Variants in TRIO observed in about 807,000 individuals in gnomAD.
TRIO encodes triple functional domain protein.
TRIO carries 58 observed loss-of-function variants against 351.9 expected under a neutral mutation model. The ratio of observed to expected loss-of-function variants is 0.16; its 90% confidence interval spans 0.13 to 0.21. TRIO has a LOEUF of 0.21. TRIO is among the 10% of genes least tolerant of loss of function. TRIO has a pLI of 1.00. For missense variants in TRIO, 3,201 were observed against 4,027.8 expected, an observed-to-expected ratio of 0.79 and a Z score of 5.56; for synonymous variants, 1,758 against 1,595.7, an observed-to-expected ratio of 1.10 and a Z score of -2.42.
chr5:14,197,319 T>A (rs1460563730), intron 1 of TRIO, among the ~76,000 whole-genome samples: 1 of 152,096 alleles, frequency 6.6e-6, no homozygotes, highest in Non-Finnish European at 1.5e-5. Context: ...GTCTGTCTTA[T>A]CCCCAGCTCC....
At chr5:14,338,204 AT>A (rs1007708063) in intron 11 of TRIO, among the ~76,000 whole-genome samples, 49 of 152,090 alleles carry the variant, frequency 3.2e-4, no homozygotes, top group African/African-American at 1.2e-3. Flanking sequence ...TACCAGAGTA[AT>A]TTTTCTGAAA....
At chr5:14,480,115 T>TC in intron 43 of TRIO, 104 bp downstream of exon 43, 2 of 1,006,154 alleles carry the variant, frequency 2.0e-6, no homozygotes, top group Non-Finnish European at 3.0e-6. Context: ...GAATCATCTG[T>TC]GTAACAGGTA....
At chr5:14,304,327 G>A (rs1738175997) in intron 7 of TRIO, 134 bp from the exon 8 acceptor site, 1 of 880,442 alleles carries the variant, frequency 1.1e-6, no homozygotes, top group Non-Finnish European at 1.7e-6. Context: ...GATGCCATTT[G>A]AGATGGAGAG....
intron 33 of TRIO, among the ~76,000 whole-genome samples, chr5:14,409,205 G>A (rs555518856): frequency 3.3e-5 from 5 of 152,222 alleles, no homozygotes; most frequent in Admixed American, 1.3e-4. Context: ...ATTCCCCAGC[G>A]GCTTGAACAG....
intron 1 of TRIO, among the ~76,000 whole-genome samples, chr5:14,220,981 C>G (rs1291990267): frequency 6.6e-6 from 1 of 152,204 alleles, no homozygotes; most frequent in Non-Finnish European, 1.5e-5. Flanking sequence ...GAGGAGAAAT[C>G]AACATCTGGT....
chr5:14,289,649 A>G (rs1276316127), intron 4 of TRIO, among the ~76,000 whole-genome samples: 1 of 152,078 alleles, frequency 6.6e-6, no homozygotes, highest in African/African-American at 2.4e-5. Flanking sequence ...GGAATTTGAA[A>G]CCAGCGTGAC....
chr5:14,334,987 G>C (rs546020199), intron 10 of TRIO, among the ~76,000 whole-genome samples: 21 of 152,264 alleles, frequency 1.4e-4, no homozygotes, highest in Non-Finnish European at 2.9e-4. Context: ...GTCAGGAATT[G>C]TTCCATAGGT....
At chr5:14,256,084 C>T (rs1795006756) in intron 1 of TRIO, among the ~76,000 whole-genome samples, 1 of 152,112 alleles carries the variant, frequency 6.6e-6, no homozygotes, top group Non-Finnish European at 1.5e-5. Flanking sequence ...TATTTTGGCT[C>T]ATTGTTCTGC....
intron 31 of TRIO, among the ~76,000 whole-genome samples, chr5:14,403,333 T>G (rs1326560697): frequency 1.2e-3 from 46 of 39,346 alleles, no homozygotes; most frequent in Admixed American, 2.5e-3. Flanking sequence ...GGGTGTAGGT[T>G]GTGGTGAGGG....
chr5:14,213,446 C>G (rs1792036494), intron 1 of TRIO, among the ~76,000 whole-genome samples: 1 of 151,880 alleles, frequency 6.6e-6, no homozygotes, highest in Non-Finnish European at 1.5e-5. Flanking sequence ...TTTCACATGC[C>G]TGACTCACCA....
intron 7 of TRIO, 48 bp from the exon 8 acceptor site, chr5:14,304,413 C>G: frequency 6.4e-7 from 1 of 1,565,240 alleles, no homozygotes; most frequent in South Asian, 1.2e-5. Context: ...GTCCACTTCT[C>G]AATATAAATT....
At chr5:14,279,711 C>G (rs77544948) in intron 2 of TRIO, among the ~76,000 whole-genome samples, 8,506 of 152,314 alleles carry the variant, frequency 0.056, 368 homozygotes, top group Non-Finnish European at 0.079. Context: ...TAGAAATTTT[C>G]TAAAATCCTT....
intron 31 of TRIO, among the ~76,000 whole-genome samples, chr5:14,401,967 G>A (rs1408929690): frequency 1.3e-5 from 2 of 152,128 alleles, no homozygotes; most frequent in African/African-American, 4.8e-5. Flanking sequence ...TTACTCCCCT[G>A]TATGTCAGCC....
intron 1 of TRIO, among the ~76,000 whole-genome samples, chr5:14,191,432 A>G (rs1581316159): frequency 6.6e-6 from 1 of 152,108 alleles, no homozygotes; most frequent in Non-Finnish European, 1.5e-5. Flanking sequence ...TCGCTACAAA[A>G]AAATGAAAAT....
At chr5:14,438,816 G>A (rs1751799548) in intron 34 of TRIO, among the ~76,000 whole-genome samples, 1 of 152,196 alleles carries the variant, frequency 6.6e-6, no homozygotes, top group African/African-American at 2.4e-5. Flanking sequence ...AGTGGCTCAG[G>A]TTGTCGCCCT....
At chr5:14,406,354 TG>T in intron 32 of TRIO, 1 of 576,764 alleles carries the variant, frequency 1.7e-6, no homozygotes, top group Non-Finnish European at 3.1e-6. Context: ...CTATATTTTA[TG>T]GTGATGGGAA....
At chr5:14,162,186 A>G (rs898562466) in intron 1 of TRIO, among the ~76,000 whole-genome samples, 1 of 152,222 alleles carries the variant, frequency 6.6e-6, no homozygotes. Context: ...AAATGAATGC[A>G]GTCCCTTTAT....
chr5:14,170,115 C>T (rs1283295554), intron 1 of TRIO, among the ~76,000 whole-genome samples: 2 of 152,204 alleles, frequency 1.3e-5, no homozygotes, highest in Middle Eastern at 3.4e-3. Flanking sequence ...TCCTGGGATG[C>T]GTTTTCTGTG....
intron 1 of TRIO, among the ~76,000 whole-genome samples, chr5:14,246,864 C>T (rs1326288423): frequency 6.6e-6 from 1 of 152,236 alleles, no homozygotes; most frequent in Non-Finnish European, 1.5e-5. Flanking sequence ...TGTTCCTTGG[C>T]ATGGTGGTGC....
Sources: gnomAD v4.1 joint callset for allele counts (sites outside exome capture counted in the v4.1 genomes callset) on GRCh38, gnomAD v4.1.1 for gene constraint, MANE v1.5 for transcripts, NCBI Gene and HGNC (gene_info 2026-07-23, HGNC 2026-07-21) for gene names.